The following CALN1 variants were observed in gnomAD, a reference collection of about 807,000 sequenced individuals.
CALN1 encodes the protein calneuron 1, also known as calcium-binding protein 8.
In CALN1, 17 loss-of-function variants were observed where a neutral mutation model predicts 30.6. The observed-to-expected ratio is 0.56, with a 90% CI of 0.38 to 0.83. The LOEUF is 0.83. Ranked by LOEUF, CALN1 falls within the 40% of genes least tolerant of loss-of-function variation. The pLI is 0.00. For missense variants in CALN1, 291 were observed against 354.9 expected, an observed-to-expected ratio of 0.82 and a Z score of 1.45; for synonymous variants, 156 against 131.4, an observed-to-expected ratio of 1.19 and a Z score of -1.28.
chr7:71,908,919 A>T (rs998886949), intron 5 of CALN1, among the ~76,000 whole-genome samples: 2 of 152,228 alleles, frequency 1.3e-5, no homozygotes, highest in African/African-American at 4.8e-5. Context: ...ACGTCCTTTC[A>T]GGGATCCAGC....
In CALN1 at chr7:72,294,900, G is replaced by T. The variant is rs149445186; in HGVS notation, c.120-16090C>A. Among the ~76,000 whole-genome samples the T allele has an allele frequency of 3.6e-4, 55 of 152,142 alleles. 1 individual carries two copies. The Middle Eastern group carries it at 0.014, about 38-fold the overall frequency. On this transcript the variant is annotated intron_variant, in intron 2 of 6. Coordinates refer to ENST00000395275, the MANE Select transcript of CALN1 (RefSeq NM_031468.4). ...GAAAAGTGGGTATTAGGCTATGAAGGCTAATTTAATGTGTGCATTTCTGAG... is the reference window on the plus strand; with the variant it reads ...GAAAAGTGGGTATTAGGCTATGAAGTCTAATTTAATGTGTGCATTTCTGAG...
chr7:72,456,960 T>C, the CALN1 span, among the ~76,000 whole-genome samples: 1 of 151,978 alleles, frequency 6.6e-6, no homozygotes, highest in African/African-American at 2.4e-5. Flanking sequence ...GGGTATACAA[T>C]TGATGCATAA....
At chr7:71,918,891 A>G (rs1446063317) in intron 5 of CALN1, among the ~76,000 whole-genome samples, 1 of 152,010 alleles carries the variant, frequency 6.6e-6, no homozygotes, top group Non-Finnish European at 1.5e-5. Flanking sequence ...TCCTAGTTCT[A>G]CTTTCTTTGG....
intron 2 of CALN1, among the ~76,000 whole-genome samples, chr7:72,373,594 T>G (rs1242352510): frequency 6.6e-6 from 1 of 152,218 alleles, no homozygotes; most frequent in Non-Finnish European, 1.5e-5. Context: ...TATAGGCTAA[T>G]ATAAGTTTTC....
chr7:71,917,326 G>A (rs1168179433), intron 5 of CALN1, among the ~76,000 whole-genome samples: 4 of 152,170 alleles, frequency 2.6e-5, no homozygotes, highest in Non-Finnish European at 2.9e-5. Flanking sequence ...GTTGGAAGAT[G>A]AGTATGTTCT....
intron 4 of CALN1, among the ~76,000 whole-genome samples, chr7:72,055,324 G>A (rs1249212298): frequency 1.3e-5 from 2 of 152,070 alleles, no homozygotes; most frequent in African/African-American, 4.8e-5. Flanking sequence ...ATTAACAGAG[G>A]CTGATTAAAC....
At chr7:72,098,821 G>A (rs1301570130) in intron 4 of CALN1, among the ~76,000 whole-genome samples, 2 of 143,656 alleles carry the variant, frequency 1.4e-5, no homozygotes, top group Non-Finnish European at 3.0e-5. Context: ...CACCACTGAG[G>A]GCAAACTGGC....
chr7:71,914,486 T>C (rs370955202), intron 5 of CALN1, among the ~76,000 whole-genome samples: 1 of 152,198 alleles, frequency 6.6e-6, no homozygotes, highest in Admixed American at 6.6e-5. Context: ...TCTTGGCTAT[T>C]GTGAATAGTG....
chr7:71,988,516 G>A (rs1019355705), intron 5 of CALN1, among the ~76,000 whole-genome samples: 2 of 152,116 alleles, frequency 1.3e-5, no homozygotes, highest in East Asian at 1.9e-4. Flanking sequence ...TCCTTTCTCC[G>A]ACACATGGCT....
chr7:72,502,161 C>G, the CALN1 span, among the ~76,000 whole-genome samples: 1 of 148,620 alleles, frequency 6.7e-6, no homozygotes, highest in Non-Finnish European at 1.5e-5. Context: ...TTCCTGCTGC[C>G]GTATTAGAAG....
the CALN1 span, among the ~76,000 whole-genome samples, chr7:72,452,897 C>G: frequency 6.6e-6 from 1 of 152,162 alleles, no homozygotes; most frequent in African/African-American, 2.4e-5. Context: ...GGGGGCCAGG[C>G]TCTCCAGACC....
intron 2 of CALN1, among the ~76,000 whole-genome samples, chr7:72,317,086 G>GACACAGAA (rs1800524320): frequency 7.0e-6 from 1 of 143,142 alleles, no homozygotes; most frequent in African/African-American, 2.6e-5. Flanking sequence ...CAGAAAGAGA[G>GACACAGAA]AGAGAGAGGG....
the CALN1 span, among the ~76,000 whole-genome samples, chr7:72,473,403 C>T: frequency 0.02 from 3,108 of 152,088 alleles, 79 homozygotes; most frequent in African/African-American, 0.072. Flanking sequence ...GCTTTGCTTC[C>T]CAAGCCCGAG....
intron 5 of CALN1, among the ~76,000 whole-genome samples, chr7:71,858,093 G>A (rs1428424530): frequency 2.0e-5 from 3 of 152,102 alleles, no homozygotes; most frequent in Admixed American, 6.5e-5. Context: ...TAATCCCCAC[G>A]TGTCATGGGA....
intron 5 of CALN1, among the ~76,000 whole-genome samples, chr7:71,985,020 C>A (rs1021956975): frequency 6.6e-6 from 1 of 152,140 alleles, no homozygotes; most frequent in African/African-American, 2.4e-5. Flanking sequence ...GTTATTATTT[C>A]TCTGCTTGCT....
intron 3 of CALN1, among the ~76,000 whole-genome samples, chr7:72,142,182 G>T (rs35463657): frequency 0.23 from 35,108 of 152,022 alleles, 5,012 homozygotes; most frequent in East Asian, 0.67. Flanking sequence ...GGCATCGCCT[G>T]ACCTGGGAAG....
At position 71,967,530 on chromosome 7, in the gene CALN1, G is replaced by A. The variant is rs2129526034; in HGVS notation, c.501+56127C>T. On this transcript the variant is annotated intron_variant, in intron 5 of 6. Coordinates refer to ENST00000395275, the MANE Select transcript of CALN1 (RefSeq NM_031468.4). Reference sequence around the variant, plus strand: ...TGTAGTCCCAGTTACTCAGGAGGCTGAGGTGGAAAAATCGCTTGAGCCCAA... The same window carrying A: ...TGTAGTCCCAGTTACTCAGGAGGCTAAGGTGGAAAAATCGCTTGAGCCCAA... 2.0e-5 allele frequency among the ~76,000 whole-genome samples: 3 copies of A among 151,392 alleles called. No individual in the cohort carries two copies. In the Middle Eastern group the frequency reaches 0.01, roughly 518 times the overall value.
chr7:72,304,035 C>G (rs1042864209), intron 2 of CALN1, among the ~76,000 whole-genome samples: 2 of 152,028 alleles, frequency 1.3e-5, no homozygotes, highest in African/African-American at 4.8e-5. Context: ...AATGTAAATG[C>G]CTGCCACTCT....
intron 5 of CALN1, among the ~76,000 whole-genome samples, chr7:71,861,612 GAA>G (rs55651519): frequency 6.7e-6 from 1 of 148,592 alleles, no homozygotes; most frequent in Non-Finnish European, 1.5e-5. Context: ...CTGTGACTAC[GAA>G]AAAAAAAATT....
Sources: allele counts gnomAD v4.1 joint callset (sites outside exome capture counted in the v4.1 genomes callset), GRCh38; gene constraint gnomAD v4.1.1; transcripts MANE v1.5; gene names NCBI Gene and HGNC (gene_info 2026-07-23, HGNC 2026-07-21).